Variants in AGAP1 observed in about 807,000 individuals in gnomAD.
AGAP1 encodes ArfGAP with GTPase domain, ankyrin repeat and PH domain 1.
A neutral mutation model predicts 105.3 loss-of-function variants in AGAP1; 29 were observed. That is an observed-to-expected ratio of 0.28 (90% CI 0.21 to 0.38). The LOEUF is 0.38. Among genes scored for constraint, AGAP1 ranks in the 10% least tolerant of loss-of-function variants. The pLI, the probability that AGAP1 is intolerant of heterozygous loss-of-function variation, is 1.00. For synonymous variants in AGAP1, 509 were observed against 485.9 expected, an observed-to-expected ratio of 1.05 and a Z score of -0.63; for missense variants, 998 against 1,165.1, an observed-to-expected ratio of 0.86 and a Z score of 2.09.
rs185334988 is a variant in AGAP1, at chr2:235,906,539, G to A, written c.1156-2199G>A. ...CCCGCCAGTGTGGCTGTGCCCTCATGTAAAGAGGTTCTCCTCCCGCCCGTC... is the reference window on the plus strand; with the variant it reads ...CCCGCCAGTGTGGCTGTGCCCTCATATAAAGAGGTTCTCCTCCCGCCCGTC... On this transcript the variant is annotated intron_variant, in intron 10 of 17. Coordinates refer to ENST00000304032, the MANE Select transcript of AGAP1 (RefSeq NM_001037131.3). This position sits in a 1 kb window ranked among gnomAD's most constrained non-coding sequence, Gnocchi z 5.3. 1.8e-4 allele frequency among the ~76,000 whole-genome samples: 27 copies of A among 152,252 alleles called. No homozygotes were observed. In the East Asian group the frequency reaches 5.0e-3, roughly 28 times the overall value.
chr2:235,831,273 G>T (rs191879788), intron 9 of AGAP1, among the ~76,000 whole-genome samples: 1 of 151,180 alleles, frequency 6.6e-6, no homozygotes, highest in Admixed American at 6.6e-5. Context: ...CACAGCCTCC[G>T]CCATTGTCCC....
At position 235,576,918 on chromosome 2, in the gene AGAP1, G is replaced by A. The variant is rs558976822; in HGVS notation, c.163+82069G>A. On this transcript the variant is annotated intron_variant, in intron 1 of 17. Transcript: ENST00000304032. ...TTGCTCCCTGTTGGGTTGGCGAGAT[G>A]GCCTCAGGTTTGCCTGGCAGTTCAG... 4.9e-4 allele frequency among the ~76,000 whole-genome samples: 75 copies of A among 152,332 alleles called. No homozygotes were observed. The South Asian group carries it at 6.6e-3, about 13-fold the overall frequency.
At position 235,631,919 on chromosome 2, in the gene AGAP1, C is replaced by T. The variant is rs1162294895; in HGVS notation, c.164-77260C>T. 6.6e-6 allele frequency among the ~76,000 whole-genome samples: 1 copy of T among 152,148 alleles called. No individual in the cohort carries two copies. The highest frequency in any genetic ancestry group is 1.5e-5 in the Non-Finnish European group (1 of 68,044). The stretch of plus-strand genomic sequence containing the variant: ...TTTGACCCTTCCTTTCTGCTTTTTC[C>T]ATCTGTTACCTGCATGCATATATGA... On this transcript the variant is annotated intron_variant, in intron 1 of 17. Coordinates refer to ENST00000304032, the MANE Select transcript of AGAP1 (RefSeq NM_001037131.3). The surrounding 1 kb of genome is among the most constrained non-coding windows in gnomAD (Gnocchi z 5.4).
chr2:235,570,477 C>G (rs1574868128), intron 1 of AGAP1, among the ~76,000 whole-genome samples: 1 of 152,174 alleles, frequency 6.6e-6, no homozygotes, highest in East Asian at 1.9e-4. Context: ...CACAAATATG[C>G]TTGGGTCCCT....
In AGAP1 at chr2:235,864,521, G is replaced by A. The variant is rs115251722; in HGVS notation, c.1051-18824G>A. ...GTTGAGCGTTTCCGCTCCACTGCGCGGCCCCGGAGCCCCCAAACGCAGGTC... is the reference window on the plus strand; with the variant it reads ...GTTGAGCGTTTCCGCTCCACTGCGCAGCCCCGGAGCCCCCAAACGCAGGTC... On this transcript the variant is annotated intron_variant, in intron 9 of 17. Transcript: ENST00000304032. This position sits in a 1 kb window ranked among gnomAD's most constrained non-coding sequence, Gnocchi z 5.0. Among the ~76,000 whole-genome samples the A allele has an allele frequency of 8.7e-3, 1,321 of 152,296 alleles. 21 individuals carry two copies. Among genetic ancestry groups the A allele is most frequent in the African/African-American group, 0.031 (1,268 of 41,548 alleles).
At position 235,660,269 on chromosome 2, in the gene AGAP1, C is replaced by T. The variant is rs1414836001; in HGVS notation, c.164-48910C>T. Among the ~76,000 whole-genome samples, 2 of 152,112 alleles carry T rather than the reference C, an allele frequency of 1.3e-5. No individual in the cohort carries two copies. Among genetic ancestry groups the T allele is most frequent in the Non-Finnish European group, 1.5e-5 (1 of 68,002 alleles). On this transcript the variant is annotated intron_variant, in intron 1 of 17. Coordinates refer to ENST00000304032, the MANE Select transcript of AGAP1 (RefSeq NM_001037131.3). This position sits in a 1 kb window ranked among gnomAD's most constrained non-coding sequence, Gnocchi z 5.3. The stretch of plus-strand genomic sequence containing the variant: ...ACTGGAGACTTCATAGATAAACTTG[C>T]GGGGTCACGGTGAGGGAGGCACTGT...
At position 235,586,234 on chromosome 2, in the gene AGAP1, G is replaced by T. The variant is rs370093825; in HGVS notation, c.163+91385G>T. Among the ~76,000 whole-genome samples, 25 of 152,196 alleles carry T rather than the reference G, an allele frequency of 1.6e-4. No individual in the cohort carries two copies. Among genetic ancestry groups the T allele is most frequent in the African/African-American group, 5.5e-4 (23 of 41,448 alleles). On this transcript the variant is annotated intron_variant, in intron 1 of 17. Transcript: ENST00000304032. This position sits in a 1 kb window ranked among gnomAD's most constrained non-coding sequence, Gnocchi z 4.2. Reference sequence around the variant, plus strand: ...GGTGAGCCCTCAGCCCGCCATACGGGCATGTTATCCAGAAGAGAGGAGAGA... The same window carrying T: ...GGTGAGCCCTCAGCCCGCCATACGGTCATGTTATCCAGAAGAGAGGAGAGA...
chr2:235,807,417 G>T, intron 9 of AGAP1, 86 bp downstream of exon 9: 1 of 1,247,536 alleles, frequency 8.0e-7, no homozygotes, highest in Non-Finnish European at 1.1e-6. Flanking sequence ...TCGCACCAAG[G>T]TCTGTCTGAT....
chr2:236,102,363 A>G (rs940885973), intron 16 of AGAP1, among the ~76,000 whole-genome samples: 2 of 145,132 alleles, frequency 1.4e-5, no homozygotes, highest in African/African-American at 2.6e-5. Context: ...GCTTGCATTG[A>G]GGCGAGATCA....
chr2:236,075,472 A>T (rs722502), intron 16 of AGAP1, among the ~76,000 whole-genome samples: 2,477 of 152,224 alleles, frequency 0.016, 69 homozygotes, highest in African/African-American at 0.057. Context: ...CCCCTTGGAC[A>T]TCGTAATAGT....
At chr2:235,800,424 C>A (rs1296731820) in intron 8 of AGAP1, among the ~76,000 whole-genome samples, 1 of 152,026 alleles carries the variant, frequency 6.6e-6, no homozygotes, top group Non-Finnish European at 1.5e-5. Context: ...CTTGAAAACT[C>A]CCTGGGTGAT....
At chr2:236,015,519 T>C (rs1559193477) in intron 13 of AGAP1, among the ~76,000 whole-genome samples, 1 of 152,126 alleles carries the variant, frequency 6.6e-6, no homozygotes, top group African/African-American at 2.4e-5. Context: ...ATTGAATTTT[T>C]CCCCCACCTT....
At chr2:235,595,910 A>G (rs568623661) in intron 1 of AGAP1, among the ~76,000 whole-genome samples, 6 of 152,360 alleles carry the variant, frequency 3.9e-5, no homozygotes, top group African/African-American at 9.6e-5. Flanking sequence ...TTCTTAAACT[A>G]TGATGGAGAA....
In AGAP1 at chr2:236,013,959, G is replaced by T. The variant is rs117265601; in HGVS notation, c.1646-22602G>T. On this transcript the variant is annotated intron_variant, in intron 13 of 17. Coordinates refer to ENST00000304032, the MANE Select transcript of AGAP1 (RefSeq NM_001037131.3). The stretch of plus-strand genomic sequence containing the variant: ...CATTTCTGAGTTGATAGTTGGGAGG[G>T]TAAGGGCCTGGTGGGGTGGAGAATG... Among the ~76,000 whole-genome samples, 154 of 152,322 alleles carry T rather than the reference G, an allele frequency of 1.0e-3. 2 individuals carry two copies. In the East Asian group the frequency reaches 0.024, roughly 23 times the overall value.
At chr2:235,917,286 G>A (rs2051938975) in intron 11 of AGAP1, among the ~76,000 whole-genome samples, 2 of 151,982 alleles carry the variant, frequency 1.3e-5, no homozygotes, top group African/African-American at 4.8e-5. Flanking sequence ...TTTGAGTATT[G>A]AACTGCCGTT....
rs184442738 is a variant in AGAP1, at chr2:236,101,072, C to T, written c.2115-19120C>T. On this transcript the variant is annotated intron_variant, in intron 16 of 17. Transcript: ENST00000304032. This position sits in a 1 kb window ranked among gnomAD's most constrained non-coding sequence, Gnocchi z 4.9. Reference sequence around the variant, plus strand: ...GGCCCCTCATTCCATCAGTTTCTTTCAGCATGTTTCCATGTTTTCATATTT... The same window carrying T: ...GGCCCCTCATTCCATCAGTTTCTTTTAGCATGTTTCCATGTTTTCATATTT... 1.3e-3 allele frequency among the ~76,000 whole-genome samples: 200 copies of T among 152,250 alleles called. 1 individual carries two copies. Among genetic ancestry groups the T allele is most frequent in the African/African-American group, 4.7e-3 (196 of 41,568 alleles).
At chr2:235,767,392 C>T (rs1955050769) in intron 6 of AGAP1, among the ~76,000 whole-genome samples, 1 of 152,164 alleles carries the variant, frequency 6.6e-6, no homozygotes, top group African/African-American at 2.4e-5. Flanking sequence ...CAGCGAGCAC[C>T]CGGGCCAAGC....
At chr2:235,929,277 AGGCAGGT>A (rs973092412) in intron 11 of AGAP1, among the ~76,000 whole-genome samples, 64 of 152,178 alleles carry the variant, frequency 4.2e-4, no homozygotes, top group African/African-American at 1.3e-3. Context: ...TCTTACTAAG[AGGCAGGT>A]GGCAGGTGGG....
At chr2:235,590,644 TTTTTG>T (rs1309498198) in intron 1 of AGAP1, among the ~76,000 whole-genome samples, 3 of 151,818 alleles carry the variant, frequency 2.0e-5, no homozygotes, top group African/African-American at 4.8e-5. Flanking sequence ...GTTTCTGTTT[TTTTTG>T]TTTTGTTTTG....
Sources: allele counts gnomAD v4.1 joint callset (sites outside exome capture counted in the v4.1 genomes callset), GRCh38; gene constraint gnomAD v4.1.1; non-coding constraint Gnocchi (gnomAD v3.1); transcripts MANE v1.5; gene names NCBI Gene and HGNC (gene_info 2026-07-23, HGNC 2026-07-21).